Variants in IPO5 observed in about 807,000 individuals in gnomAD.
IPO5 encodes the protein importin 5.
Under a neutral mutation model 143.3 loss-of-function variants are expected in IPO5, and 18 were observed. That is an observed-to-expected ratio of 0.13 (90% CI 0.09 to 0.19). The LOEUF (loss-of-function observed/expected upper bound fraction) is 0.19, where lower values mean the gene tolerates loss of function less well. IPO5 is among the 10% of genes least tolerant of loss of function. The pLI, the probability that IPO5 is intolerant of heterozygous loss-of-function variation, is 1.00. For synonymous variants in IPO5, 477 were observed against 465.7 expected, an observed-to-expected ratio of 1.02 and a Z score of -0.31; for missense variants, 1,013 against 1,336.9, an observed-to-expected ratio of 0.76 and a Z score of 3.78.
chr13:98,014,456 T>G lies in IPO5; in HGVS notation c.2325+242T>G, dbSNP rs572307550. Among the ~76,000 whole-genome samples the G allele has an allele frequency of 2.0e-5, 3 of 152,266 alleles. No homozygotes were observed. The South Asian group carries it at 6.2e-4, about 32-fold the overall frequency. On this transcript the variant is annotated intron_variant, in intron 22 of 28. Transcript: ENST00000651721. ...CCACACCTGGCTACTTTTTGTATTT[T>G]TAGTAGATGTTCCTCAGGTCTCAAA...
chr13:97,987,051 C>T (rs577751742), intron 6 of IPO5: 78 of 167,560 alleles, frequency 4.7e-4, no homozygotes, highest in Non-Finnish European at 6.0e-4. Flanking sequence ...TAATGAGTTT[C>T]ACTTCCTCAT....
At chr13:97,981,138 T>G (rs1338624763) in intron 4 of IPO5, 25 of 381,690 alleles carry the variant, frequency 6.5e-5, no homozygotes, top group Non-Finnish European at 1.2e-4. Flanking sequence ...TTTGGCACAG[T>G]TTTCAGCATT....
chr13:97,970,392 G>A (rs947980331), intron 3 of IPO5, among the ~76,000 whole-genome samples: 55 of 152,038 alleles, frequency 3.6e-4, no homozygotes, highest in Middle Eastern at 3.4e-3. Flanking sequence ...AGGCCGAGGC[G>A]GGTGGATCAC....
chr13:98,020,768 A>G (rs1415683118), intron 27 of IPO5, among the ~76,000 whole-genome samples: 1 of 152,196 alleles, frequency 6.6e-6, no homozygotes, highest in Non-Finnish European at 1.5e-5. Context: ...CAAATTATTT[A>G]TAAGGTATTT....
chr13:97,968,358 C>G lies in IPO5; in HGVS notation c.-112-1365C>G, dbSNP rs1036537238. ...CTTGAGGAAAATGTTTACTCTGCTGCTTTTGGGTGGAGTGTCTTACACTTG... is the reference window on the plus strand; with the variant it reads ...CTTGAGGAAAATGTTTACTCTGCTGGTTTTGGGTGGAGTGTCTTACACTTG... On this transcript the variant is annotated intron_variant, in intron 2 of 28. Coordinates refer to ENST00000651721, the MANE Select transcript of IPO5 (RefSeq NM_002271.6). Among the ~76,000 whole-genome samples the G allele has an allele frequency of 2.0e-5, 3 of 152,190 alleles. No homozygotes were observed. The East Asian group carries it at 5.8e-4, about 29-fold the overall frequency.
At chr13:97,999,567 G>C (rs947129456) in intron 12 of IPO5, among the ~76,000 whole-genome samples, 11 of 152,104 alleles carry the variant, frequency 7.2e-5, no homozygotes, top group African/African-American at 2.7e-4. Flanking sequence ...CTAAAAACCT[G>C]TTCTGAAGAT....
rs1890596182 is a variant in IPO5, at chr13:98,023,232, G to A, written c.*1410G>A. 1 of 152,366 alleles carries A rather than the reference G, an allele frequency of 6.6e-6. No homozygotes were observed. The highest frequency in any genetic ancestry group is 2.4e-5 in the African/African-American group (1 of 41,448). 9.4% of individuals were successfully genotyped at this position (152,366 alleles called of 1,614,324 possible). On this transcript the variant is annotated 3_prime_UTR_variant, in exon 29 of 29. Transcript: ENST00000651721. ...CCCGGAGGCTTCCGAATCTAGCAAA[G>A]CAGCATATTAAATGACTCCACCTGC...
intron 4 of IPO5, chr13:97,981,527 C>G (rs1208486323): frequency 3.9e-6 from 1 of 253,670 alleles, no homozygotes; most frequent in African/African-American, 2.3e-5. Flanking sequence ...TCCCTTGTCA[C>G]TTTGTTCCAG....
chr13:98,019,480 C>A (rs1658478385), intron 26 of IPO5, 101 bp from the exon 27 acceptor site: 1 of 818,486 alleles, frequency 1.2e-6, no homozygotes, highest in Non-Finnish European at 2.0e-6. Context: ...TTTAACATTT[C>A]TTTACCATAA....
rs1890526357 is a variant in IPO5 at position 98,021,970 on chromosome 13, C to CA, written c.*148_*149insA. 4.4e-6 allele frequency: 2 copies of CA among 453,238 alleles called. No individual in the cohort carries two copies. Among genetic ancestry groups the CA allele is most frequent in the Admixed American group, 6.8e-5 (2 of 29,514 alleles). 28.1% of individuals were successfully genotyped at this position (453,238 alleles called of 1,614,324 possible). On this transcript the variant is annotated 3_prime_UTR_variant, in exon 29 of 29. Transcript: ENST00000651721. Reference sequence around the variant, plus strand: ...GGAGAGCCACAAGCAGGAAGAGCAGCGCTGTGTTGCAGAATGGAGTTTCCA... The same window carrying CA: ...GGAGAGCCACAAGCAGGAAGAGCAGCAGCTGTGTTGCAGAATGGAGTTTCCA...
chr13:97,976,852 C>A, intron 4 of IPO5, 66 bp downstream of exon 4: 1 of 589,770 alleles, frequency 1.7e-6, no homozygotes, highest in Non-Finnish European at 2.6e-6. Flanking sequence ...CCGACGCCAG[C>A]CGCACCGGGC....
intron 13 of IPO5, 154 bp downstream of exon 13, chr13:98,000,799 C>T: frequency 1.7e-6 from 1 of 590,912 alleles, no homozygotes; most frequent in East Asian, 2.8e-5. Flanking sequence ...AATTGTCAAT[C>T]CCAAAGAAAA....
rs779647717 is a variant in IPO5, at chr13:98,000,582, G to A, written c.1045G>A (p.Gly349Arg). Residue 349 changes from glycine (G) to arginine (R), a missense_variant, in exon 13 of 29, where the codon GGA becomes AGA. Physicochemically the swap from Gly to Arg is moderately radical, Grantham distance 125. Coordinates refer to ENST00000651721, the MANE Select transcript of IPO5 (RefSeq NM_002271.6). The part of the protein sequence containing the change: ...GESALDRMAC[G>R]LGGKLVLPMI... ...GAGTGCTCTAGATCGAATGGCTTGC[G>A]GACTTGGTGGAAAGCTCGTTCTGCC... is the stretch of plus-strand genomic sequence containing the variant. 1.5e-4 allele frequency: 241 copies of A among 1,611,920 alleles called. No homozygotes were observed. The highest frequency in any genetic ancestry group is 1.9e-4 in the Non-Finnish European group (221 of 1,179,340).
At position 98,016,792 on chromosome 13, in the gene IPO5, T is replaced by A; in HGVS notation, c.2557T>A (p.Tyr853Asn). The A allele has an allele frequency of 6.3e-7, 1 of 1,575,514 alleles. No homozygotes were observed. ...SDILHSIFSS[Y>N]KEKVLPWFEQ... The stretch of plus-strand genomic sequence containing the variant: ...TATTTTACACTCAATATTCAGTAGC[T>A]ACAAAGAAAAGGTGTTACCATGGTT... Residue 853 changes from tyrosine (Y) to asparagine (N), a missense_variant, in exon 25 of 29, where the codon TAC (tyrosine) becomes AAC (asparagine). Transcript: ENST00000651721.
intron 7 of IPO5, 124 bp from the exon 8 acceptor site, chr13:97,990,002 T>C: frequency 1.6e-6 from 1 of 634,842 alleles, no homozygotes; most frequent in Non-Finnish European, 2.8e-6. Flanking sequence ...GTAGATGATG[T>C]TCAACCTATG....
intron 12 of IPO5, among the ~76,000 whole-genome samples, chr13:98,000,270 G>A (rs957329287): frequency 6.6e-6 from 1 of 151,792 alleles, no homozygotes; most frequent in Non-Finnish European, 1.5e-5. Flanking sequence ...GGGTGACAGA[G>A]CGAGACTCTG....
chr13:98,010,167 A>G lies in IPO5; in HGVS notation c.1998A>G (p.Gln666=). The G allele has an allele frequency of 6.2e-7, 1 of 1,614,148 alleles. No homozygotes were observed. The highest frequency in any genetic ancestry group is 8.5e-7 in the Non-Finnish European group (1 of 1,179,972). ...AATTTGTGAACCTTGGAGATCAGCA[A>G]AGCTTTGGTATTAAAACTGCAGGAC... is the stretch of plus-strand genomic sequence containing the variant. The part of the protein sequence containing the change: ...GWEFVNLGDQ[Q]SFGIKTAGLE... Residue 666 remains glutamine, a synonymous_variant, in exon 20 of 29, where the codon CAA becomes CAG. Transcript: ENST00000651721.
At position 98,000,429 on chromosome 13, in the gene IPO5, C is replaced by T. The variant is rs1181800638; in HGVS notation, c.1002-110C>T. The T allele has an allele frequency of 3.1e-5, 21 of 679,168 alleles. No individual in the cohort carries two copies. The African/African-American group carries it at 3.6e-4, about 12-fold the overall frequency. The allele number at this position is 679,168 out of a possible 1,614,324, so 42.1% of individuals were successfully genotyped here. Reference sequence around the variant, plus strand: ...TCCACATTTAAAGACAGCTTGAATTCTTTCTCAGTCTTAGTTTAATAATAA... The same window carrying T: ...TCCACATTTAAAGACAGCTTGAATTTTTTCTCAGTCTTAGTTTAATAATAA... On this transcript the variant is annotated intron_variant, in intron 12 of 28. Coordinates refer to ENST00000651721, the MANE Select transcript of IPO5 (RefSeq NM_002271.6).
intron 2 of IPO5, among the ~76,000 whole-genome samples, chr13:97,959,952 C>G (rs1240383795): frequency 3.3e-5 from 5 of 152,194 alleles, no homozygotes; most frequent in Non-Finnish European, 5.9e-5. Flanking sequence ...GCACCTCCCA[C>G]AGAGGGGTGC....
Sources: allele counts gnomAD v4.1 joint callset (sites outside exome capture counted in the v4.1 genomes callset), GRCh38; gene constraint gnomAD v4.1.1; transcripts MANE v1.5; gene names NCBI Gene and HGNC (gene_info 2026-07-23, HGNC 2026-07-21).